The following MSRA variants were observed in gnomAD, a reference collection of about 807,000 sequenced individuals.
MSRA encodes mitochondrial peptide methionine sulfoxide reductase.
In MSRA, 54 loss-of-function variants were observed where a neutral mutation model predicts 31.3. The ratio of observed to expected loss-of-function variants is 1.73; its 90% CI spans 1.39 to 2.17. The LOEUF (loss-of-function observed/expected upper bound fraction) is 2.17, where lower values mean the gene tolerates loss of function less well. MSRA is among the 30% of genes most tolerant of loss of function. The probability of loss-of-function intolerance (pLI) is 0.00; values close to 1 mark genes in which losing one functional copy is unlikely to be tolerated. For synonymous variants in MSRA, 169 were observed against 116.5 expected (o/e 1.45, Z -2.90); for missense variants, 507 against 300.9 (o/e 1.69, Z -5.07).
At chr8:10,118,663 A>T (rs1477871274) in intron 1 of MSRA, among the ~76,000 whole-genome samples, 1 of 151,936 alleles carries the variant, frequency 6.6e-6, no homozygotes, top group Non-Finnish European at 1.5e-5. Flanking sequence ...TGTGCTCCTT[A>T]CCGCTGCCCC....
chr8:10,350,767 G>C (rs1209593423), intron 5 of MSRA, among the ~76,000 whole-genome samples: 1 of 152,182 alleles, frequency 6.6e-6, no homozygotes, highest in Non-Finnish European at 1.5e-5. Flanking sequence ...CGAGCCCCCA[G>C]CCGACTTACC....
At chr8:10,129,129 T>A (rs1801714949) in intron 1 of MSRA, among the ~76,000 whole-genome samples, 1 of 152,234 alleles carries the variant, frequency 6.6e-6, no homozygotes, top group Non-Finnish European at 1.5e-5. Flanking sequence ...GAATATCTTA[T>A]GCCTCTAGCT....
intron 1 of MSRA, among the ~76,000 whole-genome samples, chr8:10,067,531 C>T (rs368970933): frequency 6.6e-6 from 1 of 152,174 alleles, no homozygotes; most frequent in Non-Finnish European, 1.5e-5. Flanking sequence ...AAGTTTTCAA[C>T]TCATTTGGGT....
intron 2 of MSRA, among the ~76,000 whole-genome samples, chr8:10,240,557 T>C (rs531195786): frequency 6.6e-6 from 1 of 152,290 alleles, no homozygotes; most frequent in Non-Finnish European, 1.5e-5. Context: ...CACTCCCACA[T>C]GTCCACCTAT....
intron 3 of MSRA, among the ~76,000 whole-genome samples, chr8:10,246,913 C>T (rs999960571): frequency 6.6e-6 from 1 of 152,168 alleles, no homozygotes; most frequent in Admixed American, 6.5e-5. Context: ...GGTGTATCCT[C>T]TCAAGTCTTA....
chr8:10,091,837 C>T (rs973610683), intron 1 of MSRA, among the ~76,000 whole-genome samples: 7 of 152,048 alleles, frequency 4.6e-5, no homozygotes, highest in African/African-American at 1.5e-4. Context: ...GAACTCTTGT[C>T]CTCAGGCAAT....
At chr8:10,218,088 G>A (rs1233001781) in intron 2 of MSRA, among the ~76,000 whole-genome samples, 1 of 151,170 alleles carries the variant, frequency 6.6e-6, no homozygotes, top group Non-Finnish European at 1.5e-5. Flanking sequence ...TTTCATTCAG[G>A]AGGCATTTAA....
chr8:10,082,922 G>T (rs1369375194), intron 1 of MSRA, among the ~76,000 whole-genome samples: 2 of 152,210 alleles, frequency 1.3e-5, no homozygotes, highest in African/African-American at 4.8e-5. Flanking sequence ...GGTGCTAATG[G>T]ATGATTAGAA....
At chr8:10,074,152 G>C (rs1235430683) in intron 1 of MSRA, among the ~76,000 whole-genome samples, 5 of 130,320 alleles carry the variant, frequency 3.8e-5, no homozygotes, top group South Asian at 2.5e-4. Flanking sequence ...GTGCGATCTG[G>C]GCTCACTGCA....
intron 2 of MSRA, among the ~76,000 whole-genome samples, chr8:10,241,300 A>C (rs929513183): frequency 6.6e-6 from 1 of 152,170 alleles, no homozygotes; most frequent in Admixed American, 6.5e-5. Context: ...GTCAAACCAG[A>C]GAGCAAAGAA....
intron 3 of MSRA, among the ~76,000 whole-genome samples, chr8:10,294,625 GTATC>G (rs1800429796): frequency 6.6e-6 from 1 of 152,178 alleles, no homozygotes; most frequent in African/African-American, 2.4e-5. Context: ...GTCTAGATAG[GTATC>G]CTGCTGACTG....
intron 1 of MSRA, among the ~76,000 whole-genome samples, chr8:10,059,692 A>G (rs1362359633): frequency 6.6e-6 from 1 of 152,208 alleles, no homozygotes; most frequent in Non-Finnish European, 1.5e-5. Context: ...AAATCATCAT[A>G]AGCAAAGCCA....
chr8:10,328,041 TTTTTTTTTTTTAG>T (rs1802472914), intron 5 of MSRA, among the ~76,000 whole-genome samples: 1 of 139,662 alleles, frequency 7.2e-6, no homozygotes, highest in South Asian at 2.4e-4. Flanking sequence ...TTTTTTTTTT[TTTTTTTTTTTTAG>T]TATCAGTGAC....
rs546130986 is a variant in MSRA at position 10,158,658 on chromosome 8, T to A, written c.143-49175T>A. Reference sequence around the variant, plus strand: ...TGACAGACATTTGGGTTGTTTCTACTTTTTGTCTATTGTGAATAATGATGC... The same window carrying A: ...TGACAGACATTTGGGTTGTTTCTACATTTTGTCTATTGTGAATAATGATGC... On this transcript the variant is annotated intron_variant, in intron 1 of 5. Coordinates refer to ENST00000317173, the MANE Select transcript of MSRA (RefSeq NM_012331.5). Among the ~76,000 whole-genome samples, 8 of 152,150 alleles carry A rather than the reference T, an allele frequency of 5.3e-5. No individual in the cohort carries two copies. In the South Asian group the frequency reaches 8.3e-4, roughly 16 times the overall value.
intron 1 of MSRA, among the ~76,000 whole-genome samples, chr8:10,110,375 A>G (rs370535905): frequency 2.3e-4 from 35 of 152,024 alleles, no homozygotes; most frequent in African/African-American, 7.2e-4. Flanking sequence ...CCTCCCTCCC[A>G]TTTTGTTACC....
intron 1 of MSRA, among the ~76,000 whole-genome samples, chr8:10,096,498 A>C (rs1320348245): frequency 2.6e-5 from 4 of 152,184 alleles, no homozygotes; most frequent in African/African-American, 9.7e-5. Flanking sequence ...AGAGAATAGA[A>C]ATTTAAATCT....
At chr8:10,404,849 C>T (rs1208993339) in intron 5 of MSRA, among the ~76,000 whole-genome samples, 2 of 152,290 alleles carry the variant, frequency 1.3e-5, no homozygotes, top group East Asian at 3.9e-4. Flanking sequence ...GTCCCACTTC[C>T]CAAGCACGGC....
chr8:10,406,183 G>T lies in MSRA; in HGVS notation c.544-21965G>T, dbSNP rs572176582. Among the ~76,000 whole-genome samples, 21 of 152,358 alleles carry T rather than the reference G, an allele frequency of 1.4e-4. No individual in the cohort carries two copies. In the East Asian group the frequency reaches 4.1e-3, roughly 29 times the overall value. ...GTGTCGGGCAGTGGCGGGAGAGAGT[G>T]TGTGTTCACAGCAGTGGTCTCGCAG... On this transcript the variant is annotated intron_variant, in intron 5 of 5. Coordinates refer to ENST00000317173, the MANE Select transcript of MSRA (RefSeq NM_012331.5).
chr8:10,065,587 A>G (rs1473874899), intron 1 of MSRA, among the ~76,000 whole-genome samples: 1 of 152,238 alleles, frequency 6.6e-6, no homozygotes, highest in African/African-American at 2.4e-5. Flanking sequence ...AGTGTAAGAT[A>G]TGAACCAAAG....
Sources: gnomAD v4.1 joint callset for allele counts (sites outside exome capture counted in the v4.1 genomes callset) on GRCh38, gnomAD v4.1.1 for gene constraint, MANE v1.5 for transcripts, NCBI Gene and HGNC (gene_info 2026-07-23, HGNC 2026-07-21) for gene names.